The following GNA14 variants were observed in gnomAD, a reference collection of about 807,000 sequenced individuals.
GNA14 encodes the protein G protein subunit alpha 14.
A neutral mutation model predicts 42.0 loss-of-function variants in GNA14; 50 were observed. The ratio of observed to expected loss-of-function variants is 1.19; its 90% confidence interval spans 0.95 to 1.51. GNA14 has a LOEUF of 1.51. Ranked by LOEUF, GNA14 falls within the 40% of genes most tolerant of loss-of-function variation. The pLI is 0.00. For missense variants in GNA14, 473 were observed against 446.2 expected, an observed-to-expected ratio of 1.06 and a Z score of -0.54; for synonymous variants, 173 against 163.1, an observed-to-expected ratio of 1.06 and a Z score of -0.46.
At position 77,641,028 on chromosome 9, in the gene GNA14, A is replaced by C. The variant is rs1365205265; in HGVS notation, c.124+6642T>G. 3.6e-5 allele frequency among the ~76,000 whole-genome samples: 5 copies of C among 137,000 alleles called. No individual in the cohort carries two copies. The Admixed American group carries it at 3.7e-4, about 10-fold the overall frequency. The allele number at this position is 137,000 out of a possible 152,430, so 89.9% of individuals were successfully genotyped here. A position where few individuals can be genotyped will look rare whatever the true frequency, so the allele number is the denominator to read the frequency against. ...AAAAATCATTGAGGGAAAAAAACCT[A>C]GGTATTCACGAATTTGCATGGGAAG... is the stretch of plus-strand genomic sequence containing the variant. On this transcript the variant is annotated intron_variant, in intron 1 of 6. Transcript: ENST00000341700.
At chr9:77,493,026 AAT>A (rs1172872010) in intron 2 of GNA14, among the ~76,000 whole-genome samples, 70 of 51,720 alleles carry the variant, frequency 1.4e-3, no homozygotes, top group African/African-American at 3.6e-3. Flanking sequence ...AAAAAAAAAA[AAT>A]ATATATATAT....
At chr9:77,434,104 C>G (rs1051360747) in intron 3 of GNA14, among the ~76,000 whole-genome samples, 1 of 152,178 alleles carries the variant, frequency 6.6e-6, no homozygotes, top group Admixed American at 6.5e-5. Context: ...ATTTGAGTCT[C>G]TCATTGAAAA....
chr9:77,608,273 T>TGCC (rs1311499719), intron 1 of GNA14, among the ~76,000 whole-genome samples: 1 of 152,248 alleles, frequency 6.6e-6, no homozygotes, highest in African/African-American at 2.4e-5. Context: ...ATATAACCTA[T>TGCC]GCCTGCATCA....
chr9:77,606,523 A>G (rs1219932158), intron 1 of GNA14, among the ~76,000 whole-genome samples: 1 of 152,226 alleles, frequency 6.6e-6, no homozygotes, highest in Non-Finnish European at 1.5e-5. Flanking sequence ...TAAAAGAAGT[A>G]AAAGGAATAT....
intron 1 of GNA14, among the ~76,000 whole-genome samples, chr9:77,620,383 A>C (rs1256713356): frequency 6.6e-6 from 1 of 152,234 alleles, no homozygotes; most frequent in African/African-American, 2.4e-5. Flanking sequence ...TGAAAGTTTA[A>C]AAGTATTAAA....
At chr9:77,641,628 A>G (rs1035820493) in intron 1 of GNA14, among the ~76,000 whole-genome samples, 7 of 152,192 alleles carry the variant, frequency 4.6e-5, no homozygotes, top group Non-Finnish European at 1.0e-4. Flanking sequence ...TCGTAGAAGC[A>G]ATGACTTTGT....
chr9:77,610,497 G>C (rs1357043323), intron 1 of GNA14, among the ~76,000 whole-genome samples: 2 of 152,042 alleles, frequency 1.3e-5, no homozygotes, highest in Admixed American at 6.6e-5. Context: ...AATTCCATTG[G>C]ACCATGGCCT....
At chr9:77,514,781 T>G (rs1288649844) in intron 2 of GNA14, among the ~76,000 whole-genome samples, 2 of 151,880 alleles carry the variant, frequency 1.3e-5, no homozygotes, top group Non-Finnish European at 2.9e-5. Flanking sequence ...GCCCGGCTAA[T>G]TTTTTGTATT....
At chr9:77,493,798 G>T (rs1194820138) in intron 2 of GNA14, among the ~76,000 whole-genome samples, 2 of 152,166 alleles carry the variant, frequency 1.3e-5, no homozygotes, top group African/African-American at 4.8e-5. Flanking sequence ...CCTATCATTG[G>T]TGGAGGGCTT....
intron 2 of GNA14, among the ~76,000 whole-genome samples, chr9:77,489,465 G>C (rs370430160): frequency 6.6e-6 from 1 of 152,150 alleles, no homozygotes; most frequent in East Asian, 1.9e-4. Context: ...CGACCCCAAG[G>C]CATAAAATAA....
intron 2 of GNA14, among the ~76,000 whole-genome samples, chr9:77,486,850 T>C (rs1284907820): frequency 6.6e-6 from 1 of 152,092 alleles, no homozygotes; most frequent in Non-Finnish European, 1.5e-5. Context: ...AGGAAGATAA[T>C]AGATCTCTGA....
At chr9:77,468,924 T>C (rs1369338538) in intron 2 of GNA14, among the ~76,000 whole-genome samples, 1 of 152,244 alleles carries the variant, frequency 6.6e-6, no homozygotes, top group Non-Finnish European at 1.5e-5. Flanking sequence ...ATCTCAACCA[T>C]TAAGAATGCT....
rs569194758 is a variant in GNA14 at position 77,461,592 on chromosome 9, G to A, written c.310-27070C>T. ...CAGAAGGGGTAAATGACAACACGGGGATCCTATACCATGATCCTATATCAT... is the reference window on the plus strand; with the variant it reads ...CAGAAGGGGTAAATGACAACACGGGAATCCTATACCATGATCCTATATCAT... On this transcript the variant is annotated intron_variant, in intron 2 of 6. Transcript: ENST00000341700. Among the ~76,000 whole-genome samples the A allele has an allele frequency of 1.4e-4, 21 of 152,154 alleles. No homozygotes were observed. The South Asian group carries it at 3.3e-3, about 24-fold the overall frequency.
At chr9:77,487,453 T>TCCTC (rs1379848064) in intron 2 of GNA14, among the ~76,000 whole-genome samples, 2 of 152,108 alleles carry the variant, frequency 1.3e-5, no homozygotes, top group African/African-American at 2.4e-5. Flanking sequence ...TTTTGCCATC[T>TCCTC]CCTCTTCCTT....
At chr9:77,603,568 T>G (rs1041384397) in intron 1 of GNA14, among the ~76,000 whole-genome samples, 3 of 152,130 alleles carry the variant, frequency 2.0e-5, no homozygotes, top group Non-Finnish European at 2.9e-5. Context: ...GAAAATCAAG[T>G]GAGTTTAGGA....
At chr9:77,450,306 A>C (rs1835883337) in intron 2 of GNA14, among the ~76,000 whole-genome samples, 1 of 152,172 alleles carries the variant, frequency 6.6e-6, no homozygotes, top group African/African-American at 2.4e-5. Context: ...CCAGCAAAAC[A>C]TCAAGTGCTC....
At chr9:77,621,767 G>A (rs1823926773) in intron 1 of GNA14, among the ~76,000 whole-genome samples, 1 of 152,208 alleles carries the variant, frequency 6.6e-6, no homozygotes, top group South Asian at 2.1e-4. Context: ...GATATTAAAA[G>A]GGATGATTTC....
intron 2 of GNA14, among the ~76,000 whole-genome samples, chr9:77,434,891 A>C (rs1424749635): frequency 1.3e-5 from 2 of 152,124 alleles, no homozygotes; most frequent in African/African-American, 4.8e-5. Flanking sequence ...GACTCATTTG[A>C]GTATCTGCAT....
At chr9:77,452,597 G>T (rs368466657) in intron 2 of GNA14, among the ~76,000 whole-genome samples, 10 of 382 alleles carry the variant, frequency 0.026, 1 homozygote, top group South Asian at 0.17. Context: ...TGTGTGTGTG[G>T]TGTGTATGTG....
Sources: gnomAD v4.1 joint callset for allele counts (sites outside exome capture counted in the v4.1 genomes callset) on GRCh38, gnomAD v4.1.1 for gene constraint, MANE v1.5 for transcripts, NCBI Gene and HGNC (gene_info 2026-07-23, HGNC 2026-07-21) for gene names.